TULP3: variants seen among roughly 807,000 people sequenced by gnomAD.
TULP3 encodes the protein TUB like protein 3.
In TULP3, 38 loss-of-function variants were observed where a neutral mutation model predicts 50.7. The observed-to-expected ratio is 0.75, with a 90% CI of 0.58 to 0.98. The LOEUF is 0.98. Among genes scored for constraint, TULP3 ranks in the 50% least tolerant of loss-of-function variants. TULP3 has a pLI of 0.00. For synonymous variants in TULP3, 183 were observed against 196.6 expected, an observed-to-expected ratio of 0.93 and a Z score of 0.58; for missense variants, 550 against 568.0, an observed-to-expected ratio of 0.97 and a Z score of 0.32.
chr12:2,916,000 A>C (rs2098188419), intron 2 of TULP3, among the ~76,000 whole-genome samples: 1 of 152,060 alleles, frequency 6.6e-6, no homozygotes, highest in Non-Finnish European at 1.5e-5. Context: ...TAGTTAAACT[A>C]TCATTAATTT....
intron 2 of TULP3, among the ~76,000 whole-genome samples, chr12:2,913,196 T>C (rs1016482625): frequency 7.2e-6 from 1 of 139,138 alleles, no homozygotes; most frequent in Non-Finnish European, 1.5e-5. Flanking sequence ...CTAATTATGT[T>C]GAGTTTGTGT....
chr12:2,939,271 C>T lies in TULP3; in HGVS notation c.1196-40C>T. 1.3e-6 allele frequency: 2 copies of T among 1,597,920 alleles called. No individual in the cohort carries two copies. The highest frequency in any genetic ancestry group is 1.7e-6 in the Non-Finnish European group (2 of 1,169,218). On this transcript the variant is annotated intron_variant, in intron 10 of 10. Transcript: ENST00000448120. The surrounding 1 kb of genome is among the most constrained non-coding windows in gnomAD (Gnocchi z 4.0). ...AGAAAAAGATTTCCCTGAGTGCAAC[C>T]ACATTATATTCTAACATGTTGATTT...
chr12:2,918,887 G>GA (rs1358179655), intron 2 of TULP3, among the ~76,000 whole-genome samples: 1 of 150,928 alleles, frequency 6.6e-6, no homozygotes, highest in South Asian at 2.1e-4. Flanking sequence ...GTTGCTAGAA[G>GA]AATTTTTTTT....
Position 2,931,185 on chromosome 12 carries a change from ATCGGGGTCTCTT to A in TULP3, c.642_653del (p.Arg215_Phe218del). 1.2e-6 allele frequency: 2 copies of A among 1,614,230 alleles called. No individual in the cohort carries two copies. Among genetic ancestry groups the A allele is most frequent in the Non-Finnish European group, 1.7e-6 (2 of 1,180,038 alleles). ...ATAATCCGGGATAAAAGGGGAATGG[ATCGGGGTCTCTT>A]CCCCACCTACTATATGTACTTGGAA... On this transcript the variant is annotated inframe_deletion, in exon 6 of 11. Coordinates refer to ENST00000448120, the MANE Select transcript of TULP3 (RefSeq NM_003324.5).
chr12:2,909,490 C>CTT, intron 1 of TULP3, 39 bp from the exon 2 acceptor site: 1 of 1,554,648 alleles, frequency 6.4e-7, no homozygotes, highest in Non-Finnish European at 8.7e-7. Context: ...AAGGCGTTTT[C>CTT]TTTTTATATA....
chr12:2,915,002 T>C (rs1479555325), intron 2 of TULP3, among the ~76,000 whole-genome samples: 2 of 151,534 alleles, frequency 1.3e-5, no homozygotes, highest in African/African-American at 2.4e-5. Flanking sequence ...CTTTTCTTTT[T>C]TTTGAGACAA....
chr12:2,890,913 G>A lies in TULP3; in HGVS notation c.-35G>A. On this transcript the variant is annotated 5_prime_UTR_variant, in exon 1 of 11. The change creates a new upstream start codon in the 5' untranslated region. Transcript: ENST00000448120. The stretch of plus-strand genomic sequence containing the variant: ...GCCACTCTAGCGACGGCGGGGAAGA[G>A]TGTGTACGTGGTGGGGGCTTCCTCG... 2 of 1,578,284 alleles carry A rather than the reference G, an allele frequency of 1.3e-6. No homozygotes were observed. Among genetic ancestry groups the A allele is most frequent in the East Asian group, 4.7e-5 (2 of 42,240 alleles).
Position 2,940,563 on chromosome 12 carries a change from G to C in TULP3, c.*1119G>C, listed in dbSNP as rs1266309789. The C allele has an allele frequency of 2.6e-6, 4 of 1,551,270 alleles. No individual in the cohort carries two copies. Among genetic ancestry groups the C allele is most frequent in the Non-Finnish European group, 3.5e-6 (4 of 1,146,838 alleles). On this transcript the variant is annotated 3_prime_UTR_variant, in exon 11 of 11. Coordinates refer to ENST00000448120, the MANE Select transcript of TULP3 (RefSeq NM_003324.5). Reference sequence around the variant, plus strand: ...CAAACCTTGAGAATGCAGGAGCTCTGTGAGCTCCACCGTCAGCACCATTCA... The same window carrying C: ...CAAACCTTGAGAATGCAGGAGCTCTCTGAGCTCCACCGTCAGCACCATTCA...
chr12:2,891,974 G>C (rs2098172390), intron 1 of TULP3, among the ~76,000 whole-genome samples: 1 of 151,940 alleles, frequency 6.6e-6, no homozygotes, highest in South Asian at 2.1e-4. Context: ...TAGTTCCAGC[G>C]ACTCGAGAGA....
chr12:2,934,528 C>G lies in TULP3; in HGVS notation c.891C>G (p.Ala297=), dbSNP rs753151686. 5.0e-6 allele frequency: 8 copies of G among 1,598,272 alleles called. No individual in the cohort carries two copies. Among genetic ancestry groups the G allele is most frequent in the Non-Finnish European group, 6.0e-6 (7 of 1,172,798 alleles). Residue 297 remains alanine, a synonymous_variant, in exon 8 of 11, where the codon GCC becomes GCG. Transcript: ENST00000448120. ...PMKGRGLVGA[A]HTRQELAAIS... ...AGGGCCGGGGTTTGGTAGGAGCGGC[C>G]CACACCCGGCAGGAGCTGGCTGCCA...
At position 2,909,542 on chromosome 12, in the gene TULP3, G is replaced by A. The variant is rs138991083; in HGVS notation, c.55G>A (p.Glu19Lys). Reference sequence around the variant, plus strand: ...TTTTTTTAACAGTGTCTTCCATGAAGAAATGATGAAGATGCGACAGGCTAA... The same window carrying A: ...TTTTTTTAACAGTGTCTTCCATGAAAAAATGATGAAGATGCGACAGGCTAA... ...SPSGDSVFHE[E>K]MMKMRQAKLD... Residue 19 changes from glutamate (E) to lysine (K), a missense_variant, in exon 2 of 11, where the codon GAA (glutamate) becomes AAA (lysine). Glu to Lys is a moderately conservative substitution (Grantham distance 56). Transcript: ENST00000448120. 730 of 1,571,046 alleles carry A rather than the reference G, an allele frequency of 4.6e-4. 2 individuals carry two copies. Among genetic ancestry groups the A allele is most frequent in the Admixed American group, 1.5e-3 (68 of 46,274 alleles).
At chr12:2,926,642 C>T (rs553215997) in intron 4 of TULP3, among the ~76,000 whole-genome samples, 2 of 152,290 alleles carry the variant, frequency 1.3e-5, no homozygotes, top group East Asian at 3.9e-4. Flanking sequence ...TGGCTCACGC[C>T]GGTAATTCCA....
At chr12:2,900,876 C>CTTTTTTTTTTTTTTTTTTTTTTTTTTTT (rs57315328) in intron 1 of TULP3, among the ~76,000 whole-genome samples, 1 of 127,304 alleles carries the variant, frequency 7.9e-6, no homozygotes, top group African/African-American at 3.1e-5. Context: ...AGCCGAAATA[C>CTTTTTTTTTTTTTTTTTTTTTTTTTTTT]TTTTTTTTTT....
At chr12:2,929,629 C>T (rs1181533796) in intron 4 of TULP3, among the ~76,000 whole-genome samples, 1 of 151,666 alleles carries the variant, frequency 6.6e-6, no homozygotes, top group Non-Finnish European at 1.5e-5. Flanking sequence ...GAGTCTCTGT[C>T]TCCCAGGCTA....
chr12:2,928,386 C>T (rs1052275820), intron 4 of TULP3, among the ~76,000 whole-genome samples: 5 of 151,544 alleles, frequency 3.3e-5, no homozygotes, highest in African/African-American at 9.7e-5. Context: ...AAAAATTAAC[C>T]GGATGTGGTG....
intron 6 of TULP3, among the ~76,000 whole-genome samples, chr12:2,932,079 T>G (rs554539166): frequency 6.6e-6 from 1 of 152,202 alleles, no homozygotes; most frequent in Non-Finnish European, 1.5e-5. Flanking sequence ...TCTAGGAGAG[T>G]TTAGGAAGGA....
At chr12:2,891,019 G>C in intron 1 of TULP3, 31 bp downstream of exon 1, 1 of 1,546,388 alleles carries the variant, frequency 6.5e-7, no homozygotes, top group Non-Finnish European at 8.7e-7. Context: ...GTCTCCTCCT[G>C]AGCGAGGCGG....
chr12:2,890,925 T>G lies in TULP3; in HGVS notation c.-23T>G, dbSNP rs2098171412. ...ACGGCGGGGAAGAGTGTGTACGTGG[T>G]GGGGGCTTCCTCGGTGGCGGGCATG... On this transcript the variant is annotated 5_prime_UTR_variant, in exon 1 of 11. Transcript: ENST00000448120. 3 of 1,587,910 alleles carry G rather than the reference T, an allele frequency of 1.9e-6. No individual in the cohort carries two copies. Among genetic ancestry groups the G allele is most frequent in the Middle Eastern group, 3.3e-4 (2 of 5,992 alleles).
intron 3 of TULP3, 80 bp downstream of exon 3, chr12:2,921,002 C>A: frequency 2.0e-6 from 3 of 1,531,398 alleles, no homozygotes; most frequent in Non-Finnish European, 2.7e-6. Context: ...TCAGACGGAC[C>A]AAAGGGACAA....
Sources: allele counts gnomAD v4.1 joint callset (sites outside exome capture counted in the v4.1 genomes callset), GRCh38; gene constraint gnomAD v4.1.1; non-coding constraint Gnocchi (gnomAD v3.1); transcripts MANE v1.5; gene names NCBI Gene and HGNC (gene_info 2026-07-23, HGNC 2026-07-21).